AKT1: variants seen among roughly 807,000 people sequenced by gnomAD.
AKT1 encodes RAC-alpha serine/threonine-protein kinase.
In AKT1, 21 loss-of-function variants were observed where a neutral mutation model predicts 63.1. The observed-to-expected ratio is 0.33, with a 90% CI of 0.24 to 0.48. The LOEUF (loss-of-function observed/expected upper bound fraction) is 0.48. Ranked by LOEUF, AKT1 falls within the 20% of genes least tolerant of loss-of-function variation. AKT1 has a pLI of 0.99. For synonymous variants in AKT1, 257 were observed against 253.1 expected (o/e 1.02, Z -0.15); for missense variants, 382 against 666.0 (o/e 0.57, Z 4.69).
chr14:104,793,757 C>G (rs1274983902), intron 1 of AKT1: 1 of 154,030 alleles, frequency 6.5e-6, no homozygotes, highest in Non-Finnish European at 1.4e-5. Flanking sequence ...AGGCATCCCT[C>G]AAAACCCAGT....
At chr14:104,775,908 TC>T in intron 5 of AKT1, 109 bp from the exon 6 acceptor site, 1 of 1,377,944 alleles carries the variant, frequency 7.3e-7, no homozygotes, top group Non-Finnish European at 9.8e-7. Flanking sequence ...CTGTCGGGGT[TC>T]CCAGAGACAG....
At chr14:104,782,637 G>A (rs1312498184) in intron 3 of AKT1, among the ~76,000 whole-genome samples, 1 of 152,258 alleles carries the variant, frequency 6.6e-6, no homozygotes, top group South Asian at 2.1e-4. Flanking sequence ...GGCCCAAATG[G>A]GCCCTGGGCT....
rs1040287701 is a variant in AKT1, at chr14:104,770,934, C to A, written c.1261-87G>T. On this transcript the variant is annotated intron_variant, in intron 13 of 14. Transcript: ENST00000649815. ...AGTGTGCTCAAGACCTTCAAAGCAC[C>A]TGGATCTCCAAGGGGTCTCCAGGCA... 149 of 1,221,624 alleles carry A rather than the reference C, an allele frequency of 1.2e-4. No individual in the cohort carries two copies. In the Admixed American group the frequency reaches 2.9e-3, roughly 24 times the overall value. 75.7% of individuals were successfully genotyped at this position (1,221,624 alleles called of 1,614,324 possible).
intron 12 of AKT1, 30 bp from the exon 13 acceptor site, chr14:104,772,482 G>A (rs369786277): frequency 1.8e-5 from 29 of 1,609,272 alleles, no homozygotes; most frequent in African/African-American, 1.1e-4. Context: ...CCACAGTGTC[G>A]GTACCGCCAC....
Position 104,781,176 on chromosome 14 carries a change from G to A in AKT1, c.47-960C>T, listed in dbSNP as rs571753862. Among the ~76,000 whole-genome samples the A allele has an allele frequency of 3.9e-5, 6 of 152,224 alleles. No individual in the cohort carries two copies. In the South Asian group the frequency reaches 1.2e-3, roughly 32 times the overall value. ...TTCCACTTACATTTTGCCAAGCAAG[G>A]AGTTTGAACAACAGGGAACTTACTA... On this transcript the variant is annotated intron_variant, in intron 3 of 14. Coordinates refer to ENST00000649815, the MANE Select transcript of AKT1 (RefSeq NM_001382430.1).
intron 3 of AKT1, among the ~76,000 whole-genome samples, chr14:104,780,956 A>G (rs1345842956): frequency 6.6e-6 from 1 of 152,142 alleles, no homozygotes; most frequent in Non-Finnish European, 1.5e-5. Flanking sequence ...CCCCAGGCTG[A>G]GACCCACACT....
In AKT1 at chr14:104,775,670, G is replaced by A. The variant is rs975535165; in HGVS notation, c.417C>T (p.Ala139=). The change falls in exon 6 of 15, where the codon GCC becomes GCT. Residue 139 remains alanine, a synonymous_variant. Transcript: ENST00000649815. ...GCCTCACCACGCGGTGCTTGGGCTT[G>A]GCCAGGGACACCTCCATCTCTTCAG... is the stretch of plus-strand genomic sequence containing the variant. ...SGAEEMEVSL[A]KPKHRVTMNE... is the part of the protein sequence containing the mutation. 1.9e-6 allele frequency: 3 copies of A among 1,613,874 alleles called. No individual in the cohort carries two copies. Among genetic ancestry groups the A allele is most frequent in the Non-Finnish European group, 1.7e-6 (2 of 1,179,956 alleles).
In AKT1 at chr14:104,773,017, C is replaced by T. The variant is rs1892483378; in HGVS notation, c.1033G>A (p.Gly345Ser). ...LGVVMYEMMC[G>S]RLPFYNQDHE... Reference sequence around the variant, plus strand: ...TCCTGGTTGTAGAAGGGCAGGCGACCGCACATCATCTCGTACATGACCACG... The same window carrying T: ...TCCTGGTTGTAGAAGGGCAGGCGACTGCACATCATCTCGTACATGACCACG... The change falls in exon 12 of 15, where the codon GGT becomes AGT. Residue 345 changes from glycine to serine, a missense_variant. Gly to Ser is a moderately conservative substitution (Grantham distance 56). Coordinates refer to ENST00000649815, the MANE Select transcript of AKT1 (RefSeq NM_001382430.1). The T allele has an allele frequency of 1.2e-6, 2 of 1,614,028 alleles. No homozygotes were observed. Among genetic ancestry groups the T allele is most frequent in the Non-Finnish European group, 1.7e-6 (2 of 1,180,032 alleles).
Position 104,770,408 on chromosome 14 carries a change from T to G in AKT1, c.1376A>C (p.Glu459Ala). ...GGGCCTGCGCTCGCTGTCCACACAC[T>G]CCATGCTGTCATCTGTGGGTGTAGA... ...ITPPDQDDSMECVDSERRPHF... is the reference protein window; with the variant it reads ...ITPPDQDDSMACVDSERRPHF... The change falls in exon 15 of 15, where the codon GAG becomes GCG. Residue 459 changes from glutamate (E) to alanine (A), a missense_variant. This residue lies in a region of AKT1 where 90 missense variants were observed against 120.5 expected (regional missense o/e 0.75). Coordinates refer to ENST00000649815, the MANE Select transcript of AKT1 (RefSeq NM_001382430.1). 6.2e-7 allele frequency: 1 copy of G among 1,611,558 alleles called. No individual in the cohort carries two copies. Among genetic ancestry groups the G allele is most frequent in the African/African-American group, 1.3e-5 (1 of 75,020 alleles).
intron 3 of AKT1, among the ~76,000 whole-genome samples, chr14:104,790,716 T>C (rs888447284): frequency 7.2e-5 from 11 of 151,944 alleles, no homozygotes; most frequent in Non-Finnish European, 1.5e-4. Flanking sequence ...GAGCCGGGGG[T>C]AGAGGTACAG....
In AKT1 at chr14:104,795,319, G is replaced by A. The variant is rs1893836604; in HGVS notation, c.-258+165C>T. 6.7e-6 allele frequency among the ~76,000 whole-genome samples: 1 copy of A among 149,902 alleles called. No individual in the cohort carries two copies. The highest frequency in any genetic ancestry group is 2.4e-5 in the African/African-American group (1 of 41,146). On this transcript the variant is annotated intron_variant, in intron 1 of 14. Coordinates refer to ENST00000649815, the MANE Select transcript of AKT1 (RefSeq NM_001382430.1). This position sits in a 1 kb window ranked among gnomAD's most constrained non-coding sequence, Gnocchi z 5.1. ...CGCCCTCCCTTGGCCGGGCCCGCGC[G>A]CCCCGCGCCCTCCCCGCCCAGGCCC...
At chr14:104,794,247 CTGAG>C (rs955974907) in intron 1 of AKT1, 3 of 152,428 alleles carry the variant, frequency 2.0e-5, no homozygotes, top group African/African-American at 7.2e-5. Context: ...TCTGACGACA[CTGAG>C]TGGGCGTGGC....
At chr14:104,772,089 C>T in intron 13 of AKT1, 2 of 555,576 alleles carry the variant, frequency 3.6e-6, no homozygotes, top group Admixed American at 3.2e-5. Context: ...TGTGACACAC[C>T]TCCGAGGGGA....
At position 104,769,649 on chromosome 14, in the gene AKT1, G is replaced by A. The variant is rs916684347; in HGVS notation, c.*692C>T. The A allele has an allele frequency of 4.0e-6, 2 of 495,230 alleles. No individual in the cohort carries two copies. Among genetic ancestry groups the A allele is most frequent in the African/African-American group, 3.9e-5 (2 of 51,166 alleles). The allele number at this position is 495,230 out of a possible 1,614,324, so 30.7% of individuals were successfully genotyped here. ...GAACTGTGACACAGAAGGGGAAGGG[G>A]GAGGGCTTTCCTGTCACAAAGATTA... On this transcript the variant is annotated 3_prime_UTR_variant, in exon 15 of 15. Coordinates refer to ENST00000649815, the MANE Select transcript of AKT1 (RefSeq NM_001382430.1).
Position 104,780,087 on chromosome 14 carries a change from C to G in AKT1, c.175+1G>C, listed in dbSNP as rs781113409. On this transcript the variant is annotated splice_donor_variant, in intron 4 of 14. Coordinates refer to ENST00000649815, the MANE Select transcript of AKT1 (RefSeq NM_001382430.1). LOFTEE classifies it high-confidence loss of function. ...TCCCGAGAGGCCAAGGGGATACTTA[C>G]GCGCCACAGAGAAGTTGTTGAGGGG... 6.2e-7 allele frequency: 1 copy of G among 1,613,248 alleles called. No individual in the cohort carries two copies.
In AKT1 at chr14:104,772,916, G is replaced by A. The variant is rs369527283; in HGVS notation, c.1134C>T (p.Ser378=). 6.2e-6 allele frequency: 10 copies of A among 1,613,322 alleles called. No individual in the cohort carries two copies. The highest frequency in any genetic ancestry group is 3.3e-5 in the Admixed American group (2 of 59,992). ...CCTTCTTGAGCAGCCCTGAAAGCAA[G>A]GACTTGGCCTCGGGACCAAGCGTGC... The part of the protein sequence containing the change: ...FPRTLGPEAK[S]LLSGLLKKDP... Residue 378 remains serine, a synonymous_variant, in exon 12 of 15, where the codon TCC becomes TCT. Transcript: ENST00000649815.
At chr14:104,787,144 C>T (rs1893374300) in intron 3 of AKT1, among the ~76,000 whole-genome samples, 1 of 152,198 alleles carries the variant, frequency 6.6e-6, no homozygotes, top group Non-Finnish European at 1.5e-5. Context: ...CATGAACTCC[C>T]AACCCCCTCA....
At chr14:104,786,953 C>T (rs976248955) in intron 3 of AKT1, among the ~76,000 whole-genome samples, 5 of 152,118 alleles carry the variant, frequency 3.3e-5, no homozygotes, top group African/African-American at 1.2e-4. Context: ...CAGGCCTGCC[C>T]AGGGGGTGTC....
At chr14:104,791,252 G>T (rs1893612038) in intron 3 of AKT1, among the ~76,000 whole-genome samples, 1 of 152,150 alleles carries the variant, frequency 6.6e-6, no homozygotes, top group Admixed American at 6.5e-5. Flanking sequence ...CAGGGCCAGG[G>T]TCGGGGCAGG....
Sources: gnomAD v4.1 joint callset for allele counts (sites outside exome capture counted in the v4.1 genomes callset) on GRCh38, gnomAD v4.1.1 for gene constraint, gnomAD v4.1.1 regional missense constraint, Gnocchi (gnomAD v3.1) non-coding constraint, MANE v1.5 for transcripts, NCBI Gene and HGNC (gene_info 2026-07-23, HGNC 2026-07-21) for gene names.